The following DIAPH3 variants were observed in gnomAD, a reference collection of about 807,000 sequenced individuals.
DIAPH3 encodes the protein diaphanous related formin 3, also known as protein diaphanous homolog 3.
Under a neutral mutation model 144.3 loss-of-function variants are expected in DIAPH3, and 117 were observed. That is an observed-to-expected ratio of 0.81 (90% CI 0.70 to 0.95). The LOEUF (loss-of-function observed/expected upper bound fraction) is 0.95. Ranked by LOEUF, DIAPH3 falls within the 40% of genes least tolerant of loss-of-function variation. The probability of loss-of-function intolerance (pLI) is 0.00; values close to 1 mark genes in which losing one functional copy is unlikely to be tolerated. For synonymous variants in DIAPH3, 519 were observed against 488.9 expected (o/e 1.06, Z -0.81); for missense variants, 1,421 against 1,412.7 (o/e 1.01, Z -0.09).
chr13:59,704,334 C>T (rs1473283502), intron 27 of DIAPH3, among the ~76,000 whole-genome samples: 1 of 152,220 alleles, frequency 6.6e-6, no homozygotes, highest in Non-Finnish European at 1.5e-5. Flanking sequence ...TATCTTCCTA[C>T]AGACAGGTAG....
intron 22 of DIAPH3, among the ~76,000 whole-genome samples, chr13:59,848,307 C>CTTTTTTTTTTTTTTTTT (rs71089517): frequency 7.8e-6 from 1 of 128,096 alleles, no homozygotes. Flanking sequence ...AAAGTCAAAT[C>CTTTTTTTTTTTTTTTTT]TTTTTTTTTT....
intron 5 of DIAPH3, 44 bp from the exon 6 acceptor site, chr13:60,016,189 G>T: frequency 6.4e-7 from 1 of 1,550,796 alleles, no homozygotes; most frequent in Non-Finnish European, 8.9e-7. Context: ...CAGTAACGCA[G>T]CTTGTGTTAT....
At chr13:60,007,115 G>A (rs563330289) in intron 9 of DIAPH3, among the ~76,000 whole-genome samples, 15 of 151,650 alleles carry the variant, frequency 9.9e-5, no homozygotes, top group Middle Eastern at 3.4e-3. Context: ...GCAGTGGCAC[G>A]ATCTTGGCTC....
At chr13:59,757,326 GT>G (rs2037330835) in intron 27 of DIAPH3, among the ~76,000 whole-genome samples, 1 of 121,800 alleles carries the variant, frequency 8.2e-6, no homozygotes, top group South Asian at 2.8e-4. Context: ...ATATATAATG[GT>G]AAAAAAAAAT....
chr13:59,967,801 A>G (rs1425247035), intron 17 of DIAPH3, among the ~76,000 whole-genome samples: 1 of 152,176 alleles, frequency 6.6e-6, no homozygotes, highest in African/African-American at 2.4e-5. Flanking sequence ...AGTCACCTTT[A>G]CAGCTCATCT....
At chr13:59,961,124 G>A (rs915233839) in intron 17 of DIAPH3, among the ~76,000 whole-genome samples, 10 of 152,250 alleles carry the variant, frequency 6.6e-5, no homozygotes, top group African/African-American at 2.4e-4. Context: ...TTGAAAGCAA[G>A]GCTACAGTGA....
intron 17 of DIAPH3, among the ~76,000 whole-genome samples, chr13:59,964,966 C>CA (rs1178653961): frequency 2.6e-5 from 4 of 152,010 alleles, no homozygotes; most frequent in Non-Finnish European, 5.9e-5. Flanking sequence ...GCATGCATTA[C>CA]AAAAAAACAT....
intron 27 of DIAPH3, among the ~76,000 whole-genome samples, chr13:59,729,808 A>ATTT (rs202135165): frequency 0.075 from 8,600 of 114,828 alleles, 685 homozygotes; most frequent in South Asian, 0.15. Context: ...GAATACATTA[A>ATTT]TATTTTTTTT....
intron 12 of DIAPH3, among the ~76,000 whole-genome samples, chr13:59,987,035 T>C (rs146362223): frequency 0.066 from 10,110 of 152,050 alleles, 469 homozygotes; most frequent in Middle Eastern, 0.11. Flanking sequence ...TGTATGTTTA[T>C]TGCGGCATTA....
At chr13:60,090,195 G>A (rs982628317) in intron 4 of DIAPH3, among the ~76,000 whole-genome samples, 6 of 152,122 alleles carry the variant, frequency 3.9e-5, no homozygotes, top group African/African-American at 1.4e-4. Context: ...CCTGGATCAC[G>A]TTCCCATGCC....
chr13:59,706,809 T>G (rs1279333745), intron 27 of DIAPH3, among the ~76,000 whole-genome samples: 1 of 152,226 alleles, frequency 6.6e-6, no homozygotes, highest in Non-Finnish European at 1.5e-5. Flanking sequence ...CTCCTGTTAG[T>G]CATTCTCAGA....
intron 27 of DIAPH3, among the ~76,000 whole-genome samples, chr13:59,747,541 C>A (rs1434024918): frequency 1.3e-5 from 2 of 152,236 alleles, no homozygotes; most frequent in African/African-American, 2.4e-5. Flanking sequence ...TCAGGTCACT[C>A]ATTGCCCCAT....
At chr13:59,722,705 G>A (rs7319546) in intron 27 of DIAPH3, among the ~76,000 whole-genome samples, 6,494 of 152,252 alleles carry the variant, frequency 0.043, 231 homozygotes, top group Admixed American at 0.1. Context: ...AGTAACAGTG[G>A]TGGCTTCCTG....
intron 22 of DIAPH3, among the ~76,000 whole-genome samples, chr13:59,855,166 T>A (rs2043188847): frequency 6.6e-6 from 1 of 152,124 alleles, no homozygotes; most frequent in African/African-American, 2.4e-5. Context: ...CATATCCAAG[T>A]CTACAACTTA....
At chr13:60,095,770 C>T (rs1167127961) in intron 3 of DIAPH3, among the ~76,000 whole-genome samples, 1 of 152,056 alleles carries the variant, frequency 6.6e-6, no homozygotes, top group Non-Finnish European at 1.5e-5. Flanking sequence ...CATAGTTTTA[C>T]TTTACTGAAT....
intron 20 of DIAPH3, among the ~76,000 whole-genome samples, chr13:59,895,164 T>G (rs942810872): frequency 1.3e-5 from 2 of 152,138 alleles, no homozygotes; most frequent in Non-Finnish European, 2.9e-5. Flanking sequence ...TCCTAACATA[T>G]AACAATTTGA....
chr13:60,032,469 C>T (rs1031975407), intron 5 of DIAPH3, among the ~76,000 whole-genome samples: 1 of 152,222 alleles, frequency 6.6e-6, no homozygotes. Flanking sequence ...CTCTTGCATT[C>T]TGTGCACCCA....
intron 27 of DIAPH3, among the ~76,000 whole-genome samples, chr13:59,752,920 T>C (rs766357683): frequency 2.6e-5 from 4 of 152,200 alleles, no homozygotes; most frequent in Non-Finnish European, 2.9e-5. Context: ...AGAAATTATC[T>C]CTCTTAAGAA....
chr13:60,158,973 C>G (rs937444766), intron 1 of DIAPH3, among the ~76,000 whole-genome samples: 1 of 122,604 alleles, frequency 8.2e-6, no homozygotes, highest in African/African-American at 3.1e-5. Context: ...TATAAGGTAA[C>G]ATTCACAGGT....
Sources: allele counts gnomAD v4.1 joint callset (sites outside exome capture counted in the v4.1 genomes callset), GRCh38; gene constraint gnomAD v4.1.1; transcripts MANE v1.5; gene names NCBI Gene and HGNC (gene_info 2026-07-23, HGNC 2026-07-21).